Variants in ITGA2 observed in about 807,000 individuals in gnomAD.
The protein encoded by ITGA2 is integrin subunit alpha 2, also known as integrin alpha-2.
In ITGA2, 101 loss-of-function variants were observed where a neutral mutation model predicts 146.3. That is an observed-to-expected ratio of 0.69 (90% CI 0.59 to 0.81). The LOEUF (loss-of-function observed/expected upper bound fraction) is 0.81, where lower values mean the gene tolerates loss of function less well. Ranked by LOEUF, ITGA2 falls within the 40% of genes least tolerant of loss-of-function variation. The pLI, the probability that ITGA2 is intolerant of heterozygous loss-of-function variation, is 0.00. For synonymous variants in ITGA2, 477 were observed against 487.1 expected, an observed-to-expected ratio of 0.98 and a Z score of 0.27; for missense variants, 1,281 against 1,402.7, an observed-to-expected ratio of 0.91 and a Z score of 1.39.
chr5:53,053,902 G>A (rs1031973939), intron 7 of ITGA2, among the ~76,000 whole-genome samples: 16 of 152,114 alleles, frequency 1.1e-4, no homozygotes, highest in African/African-American at 1.9e-4. Context: ...TAAGCACTGC[G>A]GGTAATTAAA....
At position 53,064,990 on chromosome 5, in the gene ITGA2, C is replaced by G; in HGVS notation, c.1681C>G (p.Leu561Val). The change falls in exon 14 of 30, where the codon CTT becomes GTT. Residue 561 changes from leucine to valine, a missense_variant. Physicochemically the swap from Leu to Val is conservative, Grantham distance 32 (BLOSUM62 1). Transcript: ENST00000296585. The part of the protein sequence containing the change: ...NTRFGSAIAA[L>V]SDINMDGFND... ...TCGATTTGGTTCAGCAATTGCAGCT[C>G]TTTCAGACATCAACATGGATGGCTT... is the stretch of plus-strand genomic sequence containing the variant. The G allele has an allele frequency of 1.2e-6, 2 of 1,612,982 alleles. No individual in the cohort carries two copies. Among genetic ancestry groups the G allele is most frequent in the Non-Finnish European group, 1.7e-6 (2 of 1,179,268 alleles).
At chr5:53,056,875 G>T (rs554583509) in intron 9 of ITGA2, among the ~76,000 whole-genome samples, 1 of 151,420 alleles carries the variant, frequency 6.6e-6, no homozygotes, top group African/African-American at 2.4e-5. Flanking sequence ...TGGTTAACCC[G>T]AATAACTCTT....
intron 7 of ITGA2, among the ~76,000 whole-genome samples, chr5:53,054,955 T>C (rs1744563204): frequency 1.3e-5 from 2 of 152,118 alleles, no homozygotes; most frequent in East Asian, 3.9e-4. Context: ...TAAAAAAGAA[T>C]ATGCCCTCAT....
chr5:53,051,411 G>A lies in ITGA2; in HGVS notation c.631G>A (p.Val211Met). Residue 211 changes from valine (V) to methionine (M), a missense_variant and splice_region_variant, in exon 7 of 30, where the codon GTG becomes ATG. Coordinates refer to ENST00000296585, the MANE Select transcript of ITGA2 (RefSeq NM_002203.4). ...GLDIGPTKTQVGLIQYANNPR... is the reference protein window; with the variant it reads ...GLDIGPTKTQMGLIQYANNPR... ...TTAATAAATGTCTCCTCTGTTGAAG[G>A]TGGGGTTAATTCAGTATGCCAATAA... The A allele has an allele frequency of 2.5e-6, 4 of 1,613,028 alleles. No individual in the cohort carries two copies. The highest frequency in any genetic ancestry group is 3.4e-6 in the Non-Finnish European group (4 of 1,179,224).
rs571914397 is a variant in ITGA2 at position 53,026,488 on chromosome 5, A to G, written c.65-260A>G. Among the ~76,000 whole-genome samples the G allele has an allele frequency of 2.6e-5, 4 of 152,318 alleles. 1 individual carries two copies. In the South Asian group the frequency reaches 8.3e-4, roughly 32 times the overall value. ...CTGGAACCTCAAAATTCTCTGCAAA[A>G]CAAAGATAATATTAGTAACTATCTT... On this transcript the variant is annotated intron_variant, in intron 1 of 29. Transcript: ENST00000296585.
At chr5:53,004,219 A>C (rs1249915585) in intron 1 of ITGA2, among the ~76,000 whole-genome samples, 1 of 152,120 alleles carries the variant, frequency 6.6e-6, no homozygotes, top group African/African-American at 2.4e-5. Context: ...CTAAATGAAC[A>C]TATATTAAGC....
At chr5:53,025,302 A>G (rs1484602294) in intron 1 of ITGA2, among the ~76,000 whole-genome samples, 1 of 152,188 alleles carries the variant, frequency 6.6e-6, no homozygotes, top group Non-Finnish European at 1.5e-5. Flanking sequence ...TTTATTATTC[A>G]AAAATAAAAA....
Position 53,051,511 on chromosome 5 carries a change from A to G in ITGA2, c.731A>G (p.Gln244Arg), listed in dbSNP as rs759567264. 3 of 1,613,778 alleles carry G rather than the reference A, an allele frequency of 1.9e-6. No homozygotes were observed. The highest frequency in any genetic ancestry group is 8.5e-7 in the Non-Finnish European group (1 of 1,179,798). ...EMIVATSQTSQYGGDLTNTFG... is the reference protein window; with the variant it reads ...EMIVATSQTSRYGGDLTNTFG... The stretch of plus-strand genomic sequence containing the variant: ...ATTGTAGCAACATCCCAGACATCCC[A>G]ATATGGTGGGGACCTCACAAACACA... Residue 244 changes from glutamine (Q) to arginine (R), a missense_variant, in exon 7 of 30, where the codon CAA (glutamine) becomes CGA (arginine). Transcript: ENST00000296585.
intron 10 of ITGA2, among the ~76,000 whole-genome samples, chr5:53,059,411 G>A (rs925852276): frequency 1.3e-5 from 2 of 151,922 alleles, no homozygotes; most frequent in Non-Finnish European, 2.9e-5. Context: ...CTCCCGAGCC[G>A]TGTCTGGGAT....
chr5:53,094,428 T>C lies in ITGA2; in HGVS notation c.*3829T>C, dbSNP rs1740599664. 6.6e-6 allele frequency: 1 copy of C among 152,218 alleles called. No homozygotes were observed. Among genetic ancestry groups the C allele is most frequent in the African/African-American group, 2.4e-5 (1 of 41,460 alleles). 9.4% of individuals were successfully genotyped at this position (152,218 alleles called of 1,614,324 possible). On this transcript the variant is annotated 3_prime_UTR_variant, in exon 30 of 30. Transcript: ENST00000296585. ...AATATGAATGTATATATTGCATAAC[T>C]ATGTTAGAATTGTATATATTTTAAA... is the stretch of plus-strand genomic sequence containing the variant.
chr5:53,077,011 C>T (rs914547248), intron 23 of ITGA2, among the ~76,000 whole-genome samples: 1 of 151,740 alleles, frequency 6.6e-6, no homozygotes, highest in Non-Finnish European at 1.5e-5. Flanking sequence ...GCTTATCTAC[C>T]AGGATATATG....
chr5:53,031,440 C>G (rs989777261), intron 2 of ITGA2, among the ~76,000 whole-genome samples: 2 of 152,196 alleles, frequency 1.3e-5, no homozygotes, highest in Admixed American at 6.5e-5. Context: ...TCCTTTCCCT[C>G]AGACAACTCA....
chr5:53,061,184 G>A, intron 12 of ITGA2, 138 bp downstream of exon 12: 1 of 836,254 alleles, frequency 1.2e-6, no homozygotes, highest in Non-Finnish European at 2.0e-6. Flanking sequence ...TTTACTTAGT[G>A]TATTCCTTAA....
intron 1 of ITGA2, among the ~76,000 whole-genome samples, chr5:52,991,013 T>C (rs1740926575): frequency 6.6e-6 from 1 of 152,184 alleles, no homozygotes; most frequent in South Asian, 2.1e-4. Context: ...CTTTGAAATG[T>C]TGAGGCTTGT....
At chr5:53,089,922 T>C in intron 28 of ITGA2, 24 bp from the exon 29 acceptor site, 1 of 1,393,602 alleles carries the variant, frequency 7.2e-7, no homozygotes, top group Non-Finnish European at 1.0e-6. Flanking sequence ...TTAAAATAAC[T>C]CAACTGTGAA....
intron 7 of ITGA2, among the ~76,000 whole-genome samples, chr5:53,052,737 C>T (rs1744435859): frequency 6.6e-6 from 1 of 152,080 alleles, no homozygotes; most frequent in Non-Finnish European, 1.5e-5. Context: ...TGCCATGACA[C>T]CACAAACTTC....
At chr5:53,026,582 C>T (rs923746909) in intron 1 of ITGA2, among the ~76,000 whole-genome samples, 166 bp from the exon 2 acceptor site, 1 of 152,096 alleles carries the variant, frequency 6.6e-6, no homozygotes, top group Non-Finnish European at 1.5e-5. Flanking sequence ...GGTGCCGGGC[C>T]TCCAAATAAG....
rs1165669071 is a variant in ITGA2, at chr5:53,094,578, T to G, written c.*3979T>G. On this transcript the variant is annotated 3_prime_UTR_variant, in exon 30 of 30. Transcript: ENST00000296585. ...AAAAACTGTAAAAATAAATGCATGT[T>G]TGTACAAAAAGTTGCAGAATTCATT... 1.3e-5 allele frequency: 2 copies of G among 152,180 alleles called. No homozygotes were observed. The highest frequency in any genetic ancestry group is 1.3e-4 in the Admixed American group (2 of 15,276). 9.4% of individuals were successfully genotyped at this position (152,180 alleles called of 1,614,324 possible).
chr5:53,014,024 G>A (rs1742281501), intron 1 of ITGA2, among the ~76,000 whole-genome samples: 2 of 151,986 alleles, frequency 1.3e-5, no homozygotes, highest in South Asian at 2.1e-4. Flanking sequence ...GCATTTTCTA[G>A]GTATAGAATC....
Sources: gnomAD v4.1 joint callset for allele counts (sites outside exome capture counted in the v4.1 genomes callset) on GRCh38, gnomAD v4.1.1 for gene constraint, MANE v1.5 for transcripts, NCBI Gene and HGNC (gene_info 2026-07-23, HGNC 2026-07-21) for gene names.